ANK1: variants seen among roughly 807,000 people sequenced by gnomAD.
ANK1 encodes the protein ankyrin 1, also known as ankyrin-1.
In ANK1, 51 loss-of-function variants were observed where a neutral mutation model predicts 210.4. The observed-to-expected ratio is 0.24, with a 90% confidence interval of 0.19 to 0.31. The LOEUF is 0.31. ANK1 is among the 10% of genes least tolerant of loss of function. ANK1 has a pLI of 1.00. For synonymous variants in ANK1, 967 were observed against 1,025.9 expected, an observed-to-expected ratio of 0.94 and a Z score of 1.10; for missense variants, 2,051 against 2,504.4, an observed-to-expected ratio of 0.82 and a Z score of 3.86.
At chr8:41,744,092 A>G (rs1318730133) in intron 2 of ANK1, among the ~76,000 whole-genome samples, 1 of 152,222 alleles carries the variant, frequency 6.6e-6, no homozygotes, top group Non-Finnish European at 1.5e-5. Context: ...GAAGAAGCCA[A>G]CTGATGGGAA....
intron 39 of ANK1, among the ~76,000 whole-genome samples, chr8:41,667,005 A>G (rs979194662): frequency 1.3e-5 from 2 of 152,178 alleles, no homozygotes; most frequent in Non-Finnish European, 2.9e-5. Context: ...GCAGTGGAAA[A>G]AAGTGCTGTA....
rs758799644 is a variant in ANK1, at chr8:41,696,687, C to T, written c.2724G>A (p.Pro908=). The T allele has an allele frequency of 7.7e-5, 123 of 1,603,736 alleles. No homozygotes were observed. Among genetic ancestry groups the T allele is most frequent in the Non-Finnish European group, 9.4e-5 (111 of 1,179,896 alleles). ...TSDNISPVAS[P]VHTGFLVSFM... is the part of the protein sequence containing the mutation. Reference sequence around the variant, plus strand: ...CGCCCGCCACTCACCCTGTATGCACCGGGCTGGCCACCGGGCTGATGTTGT... The same window carrying T: ...CGCCCGCCACTCACCCTGTATGCACTGGGCTGGCCACCGGGCTGATGTTGT... Residue 908 remains proline (P), a synonymous_variant, in exon 25 of 43, where the codon CCG becomes CCA. Transcript: ENST00000289734.
chr8:41,764,851 C>T (rs1459147175), intron 1 of ANK1, among the ~76,000 whole-genome samples: 1 of 152,246 alleles, frequency 6.6e-6, no homozygotes, highest in Non-Finnish European at 1.5e-5. Context: ...GTTTTAAACA[C>T]ACCACATAAA....
intron 26 of ANK1, among the ~76,000 whole-genome samples, 167 bp downstream of exon 26, chr8:41,696,196 C>T (rs903045623): frequency 1.3e-5 from 2 of 152,196 alleles, no homozygotes; most frequent in Non-Finnish European, 2.9e-5. Flanking sequence ...GACCTGAGAT[C>T]TGAGAGTTGT....
intron 1 of ANK1, among the ~76,000 whole-genome samples, chr8:41,814,292 G>A (rs997582697): frequency 9.2e-5 from 14 of 151,486 alleles, no homozygotes; most frequent in East Asian, 5.8e-4. Flanking sequence ...CCCAGGAGGC[G>A]GAGCTTGCAG....
Position 41,693,878 on chromosome 8 carries a change from G to A in ANK1, c.3532+20C>T, listed in dbSNP as rs368274883. 5.3e-5 allele frequency: 85 copies of A among 1,593,002 alleles called. No homozygotes were observed. In the African/African-American group the frequency reaches 6.3e-4, roughly 12 times the overall value. ...CACTGCAGCAGCCGAGAACAGAAGC[G>A]AGGCAGGGGCCCCTCTCACCAATGA... On this transcript the variant is annotated intron_variant, in intron 29 of 42. Coordinates refer to ENST00000289734, the MANE Select transcript of ANK1 (RefSeq NM_000037.4).
chr8:41,881,052 T>C (rs543745027), intron 1 of ANK1, among the ~76,000 whole-genome samples: 28 of 152,380 alleles, frequency 1.8e-4, no homozygotes, highest in African/African-American at 6.7e-4. Context: ...CCTGGAGATC[T>C]GGTTCTAGTG....
At chr8:41,823,950 AT>A (rs1468184948) in intron 1 of ANK1, among the ~76,000 whole-genome samples, 2 of 151,690 alleles carry the variant, frequency 1.3e-5, no homozygotes, top group Non-Finnish European at 2.9e-5. Flanking sequence ...CTTTTTGAGT[AT>A]TTTTTGTTTT....
chr8:41,750,546 A>G (rs1268677850), intron 2 of ANK1, among the ~76,000 whole-genome samples: 2 of 148,928 alleles, frequency 1.3e-5, no homozygotes, highest in African/African-American at 5.0e-5. Flanking sequence ...ATTCATAGCT[A>G]TAGCAAACAA....
intron 1 of ANK1, among the ~76,000 whole-genome samples, chr8:41,809,654 G>A (rs1430559624): frequency 1.3e-5 from 2 of 152,164 alleles, no homozygotes; most frequent in Non-Finnish European, 2.9e-5. Context: ...TGTAGCCCCA[G>A]CTATTCGGGA....
intron 1 of ANK1, among the ~76,000 whole-genome samples, chr8:41,857,093 G>A (rs1812334198): frequency 6.6e-6 from 1 of 151,250 alleles, no homozygotes; most frequent in Non-Finnish European, 1.5e-5. Context: ...TGGTCAGGCT[G>A]GTCTCAAACT....
chr8:41,672,481 C>G lies in ANK1; in HGVS notation c.4969G>C (p.Asp1657His). The G allele has an allele frequency of 6.2e-7, 1 of 1,614,252 alleles. No homozygotes were observed. Among genetic ancestry groups the G allele is most frequent in the Non-Finnish European group, 8.5e-7 (1 of 1,180,046 alleles). The change falls in exon 38 of 43, where the codon GAT becomes CAT. Residue 1657 changes from aspartate to histidine, a missense_variant. Physicochemically the swap from Asp to His is moderately conservative, Grantham distance 81. Transcript: ENST00000289734. ...EEKLPGSKRQ[D>H]DATGAGQDSE... The stretch of plus-strand genomic sequence containing the variant: ...TCCTGCCCTGCACCTGTCGCGTCAT[C>G]CTGCCTCTTAGAACCTGGCAGCTTC...
At chr8:41,804,302 A>G (rs1044427804) in intron 1 of ANK1, among the ~76,000 whole-genome samples, 1 of 152,216 alleles carries the variant, frequency 6.6e-6, no homozygotes, top group Non-Finnish European at 1.5e-5. Flanking sequence ...GACCCAAGAG[A>G]GAAGGCAGAA....
intron 1 of ANK1, among the ~76,000 whole-genome samples, chr8:41,893,493 G>A (rs113357137): frequency 1.0e-3 from 152 of 152,122 alleles, no homozygotes; most frequent in African/African-American, 3.3e-3. Flanking sequence ...TCCACCCCCC[G>A]CACACAGCAC....
intron 29 of ANK1, 59 bp downstream of exon 29, chr8:41,693,839 C>T (rs890399337): frequency 9.1e-6 from 14 of 1,539,052 alleles, no homozygotes; most frequent in Middle Eastern, 2.3e-4. Flanking sequence ...CACCCCCCTA[C>T]TGTGTTCCAG....
At chr8:41,750,366 G>C (rs1837405678) in intron 2 of ANK1, among the ~76,000 whole-genome samples, 1 of 152,200 alleles carries the variant, frequency 6.6e-6, no homozygotes, top group South Asian at 2.1e-4. Context: ...TCTGGACACT[G>C]CAGCAAATAT....
intron 22 of ANK1, among the ~76,000 whole-genome samples, chr8:41,700,232 A>G (rs151209946): frequency 6.6e-6 from 1 of 152,370 alleles, no homozygotes; most frequent in Non-Finnish European, 1.5e-5. Context: ...CACAGACACA[A>G]AGATGGACAG....
chr8:41,869,956 A>C (rs1366415581), intron 1 of ANK1, among the ~76,000 whole-genome samples: 1 of 152,262 alleles, frequency 6.6e-6, no homozygotes, highest in East Asian at 1.9e-4. Context: ...GATCCCAAGA[A>C]GAAAGGATCT....
chr8:41,675,934 G>A (rs1814015593), intron 37 of ANK1, among the ~76,000 whole-genome samples: 1 of 152,178 alleles, frequency 6.6e-6, no homozygotes, highest in South Asian at 2.1e-4. Context: ...CATCCATGCT[G>A]ATGCATGTAT....
Sources: allele counts gnomAD v4.1 joint callset (sites outside exome capture counted in the v4.1 genomes callset), GRCh38; gene constraint gnomAD v4.1.1; transcripts MANE v1.5; gene names NCBI Gene and HGNC (gene_info 2026-07-23, HGNC 2026-07-21).